Variants in CDX2 observed in about 807,000 individuals in gnomAD.
The protein encoded by CDX2 is homeobox protein CDX-2.
A neutral mutation model predicts 25.5 loss-of-function variants in CDX2; 7 were observed. The ratio of observed to expected loss-of-function variants is 0.27; its 90% CI spans 0.16 to 0.52. The LOEUF is 0.52. Ranked by LOEUF, CDX2 falls within the 20% of genes least tolerant of loss-of-function variation. The pLI is 0.97. For missense variants in CDX2, 375 were observed against 431.4 expected (o/e 0.87, Z 1.16); for synonymous variants, 222 against 198.6 (o/e 1.12, Z -0.99).
Position 27,964,773 on chromosome 13 carries a change from C to A in CDX2, c.687+97G>T. Reference sequence around the variant, plus strand: ...TGCTTGCATCCTCCTGCTTCAGTCTCTCCACAGATTTAGATGGCCCCTGCA... The same window carrying A: ...TGCTTGCATCCTCCTGCTTCAGTCTATCCACAGATTTAGATGGCCCCTGCA... On this transcript the variant is annotated intron_variant, in intron 2 of 2. Coordinates refer to ENST00000381020, the MANE Select transcript of CDX2 (RefSeq NM_001265.6). This position sits in a 1 kb window ranked among gnomAD's most constrained non-coding sequence, Gnocchi z 4.7. 9.5e-7 allele frequency: 1 copy of A among 1,055,218 alleles called. No homozygotes were observed. The highest frequency in any genetic ancestry group is 1.4e-6 in the Non-Finnish European group (1 of 707,288). 65.4% of individuals were successfully genotyped at this position (1,055,218 alleles called of 1,614,324 possible).
rs972280317 is a variant in CDX2 at position 27,968,557 on chromosome 13, G to T, written c.450C>A (p.Thr150=). The T allele has an allele frequency of 1.2e-5, 19 of 1,567,192 alleles. No homozygotes were observed. The highest frequency in any genetic ancestry group is 1.6e-5 in the Non-Finnish European group (19 of 1,166,982). ...CGGGAGACAGCTGCTCGGCGGCAGC[G>T]GTGGCGGCGGGCCCAGGAGGGCCGG... ...LNPGPPGPAA[T]AAAEQLSPGG... Residue 150 remains threonine, a synonymous_variant, in exon 1 of 3, where the codon ACC becomes ACA. Coordinates refer to ENST00000381020, the MANE Select transcript of CDX2 (RefSeq NM_001265.6).
chr13:27,964,731 AGGACT>A lies in CDX2; in HGVS notation c.687+134_687+138del. Reference sequence around the variant, plus strand: ...TTTAAAAAAAAAAAAAAAAAAAAAAAGGACTCCAAAGACGAATGCTTGCATCCTCC... The same window carrying A: ...TTTAAAAAAAAAAAAAAAAAAAAAAACCAAAGACGAATGCTTGCATCCTCC... On this transcript the variant is annotated intron_variant, in intron 2 of 2. Transcript: ENST00000381020. The surrounding 1 kb of genome is among the most constrained non-coding windows in gnomAD (Gnocchi z 4.7). The A allele has an allele frequency of 2.4e-5, 13 of 544,872 alleles. No homozygotes were observed. Among genetic ancestry groups the A allele is most frequent in the Non-Finnish European group, 3.7e-5 (12 of 320,874 alleles). The allele number at this position is 544,872 out of a possible 1,614,324, so 33.8% of individuals were successfully genotyped here. A position where few individuals can be genotyped will look rare whatever the true frequency, so the allele number is the denominator to read the frequency against.
intron 1 of CDX2, among the ~76,000 whole-genome samples, chr13:27,967,798 C>G (rs1007886240): frequency 6.6e-6 from 1 of 152,182 alleles, no homozygotes; most frequent in Non-Finnish European, 1.5e-5. Context: ...CCAGCTTTTG[C>G]TTGAAATGAC....
chr13:27,967,283 C>T (rs754852495), intron 1 of CDX2: 9 of 510,572 alleles, frequency 1.8e-5, no homozygotes, highest in Non-Finnish European at 3.1e-5. Context: ...GCCTTCTCCC[C>T]GGTCGGCGGC....
Position 27,962,103 on chromosome 13 carries a change from T to C in CDX2, c.*1012A>G. 4.3e-6 allele frequency: 1 copy of C among 231,028 alleles called. No homozygotes were observed. Among genetic ancestry groups the C allele is most frequent in the East Asian group, 6.2e-5 (1 of 16,260 alleles). 14.3% of individuals were successfully genotyped at this position (231,028 alleles called of 1,614,324 possible). A position where few individuals can be genotyped will look rare whatever the true frequency, so the allele number is the denominator to read the frequency against. ...CATTTCTTTAAAAAATAAAAAATAGTTGCAGACAAAATCTGAAGATAAATA... is the reference window on the plus strand; with the variant it reads ...CATTTCTTTAAAAAATAAAAAATAGCTGCAGACAAAATCTGAAGATAAATA... On this transcript the variant is annotated 3_prime_UTR_variant, in exon 3 of 3. Transcript: ENST00000381020.
rs773511514 is a variant in CDX2 at position 27,963,140 on chromosome 13, A to AC, written c.916dup (p.Val306GlyfsTer31). 2.6e-5 allele frequency: 42 copies of AC among 1,611,464 alleles called. No individual in the cohort carries two copies. The highest frequency in any genetic ancestry group is 2.2e-5 in the East Asian group (1 of 44,822). The stretch of plus-strand genomic sequence containing the variant: ...TCACTGGGTGACGGTGGGGTTTAGC[A>AC]CCCCCCCAGTTGGCCCCAGAACCCC... On this transcript the variant is annotated frameshift_variant, in exon 3 of 3. Coordinates refer to ENST00000381020, the MANE Select transcript of CDX2 (RefSeq NM_001265.6). LOFTEE classifies it high-confidence loss of function.
rs983309416 is a variant in CDX2 at position 27,964,165 on chromosome 13, C to T, written c.687+705G>A. The stretch of plus-strand genomic sequence containing the variant: ...CTGTAATCTCAGCACTTTGGGAGGC[C>T]GAGGCGGGTGGATCACCTGAGGCCA... On this transcript the variant is annotated intron_variant, in intron 2 of 2. Transcript: ENST00000381020. This position sits in a 1 kb window ranked among gnomAD's most constrained non-coding sequence, Gnocchi z 4.7. 6.6e-5 allele frequency among the ~76,000 whole-genome samples: 10 copies of T among 152,092 alleles called. No homozygotes were observed. The highest frequency in any genetic ancestry group is 1.3e-4 in the Non-Finnish European group (9 of 68,024).
Position 27,961,069 on chromosome 13 carries a change from C to T in CDX2, c.*2046G>A, listed in dbSNP as rs574601056. Among the ~76,000 whole-genome samples the T allele has an allele frequency of 6.6e-6, 1 of 152,256 alleles. No homozygotes were observed. Among genetic ancestry groups the T allele is most frequent in the African/African-American group, 2.4e-5 (1 of 41,564 alleles). On this transcript the variant is annotated 3_prime_UTR_variant, in exon 3 of 3. Transcript: ENST00000381020. ...CCGGCCCTGACCCAGGACCCCTGAC[C>T]CAGGACCCCTCGCCCAGCGGACCCG...
rs1372904751 is a variant in CDX2 at position 27,968,603 on chromosome 13, C to T, written c.404G>A (p.Gly135Glu). The change falls in exon 1 of 3, where the codon GGG (glycine) becomes GAG (glutamate). Residue 135 changes from glycine to glutamate, a missense_variant. Gly to Glu is a moderately conservative substitution (Grantham distance 98). Coordinates refer to ENST00000381020, the MANE Select transcript of CDX2 (RefSeq NM_001265.6). ...HPAAAPSCAS[G>E]LLQTLNPGPP... is the part of the protein sequence containing the mutation. ...GCCGGGGTTGAGCGTTTGCAGCAGC[C>T]CAGAAGCGCAGGAAGGCGCGGCGGC... 6.4e-7 allele frequency: 1 copy of T among 1,566,334 alleles called. No homozygotes were observed. Among genetic ancestry groups the T allele is most frequent in the African/African-American group, 1.4e-5 (1 of 72,320 alleles).
intron 1 of CDX2, among the ~76,000 whole-genome samples, chr13:27,967,566 A>G (rs1299738444): frequency 6.6e-6 from 1 of 152,218 alleles, no homozygotes; most frequent in Non-Finnish European, 1.5e-5. Flanking sequence ...CTCGAACACC[A>G]GAAGGGGCAG....
intron 1 of CDX2, among the ~76,000 whole-genome samples, chr13:27,965,311 C>T (rs1432682825): frequency 6.6e-6 from 1 of 152,180 alleles, no homozygotes; most frequent in African/African-American, 2.4e-5. Context: ...TTTCGGTAAA[C>T]CAAATACAGT....
chr13:27,967,660 C>G (rs1302353135), intron 1 of CDX2, among the ~76,000 whole-genome samples: 1 of 152,166 alleles, frequency 6.6e-6, no homozygotes, highest in Non-Finnish European at 1.5e-5. Flanking sequence ...TCCCTGACAC[C>G]CTTGAAAGGA....
intron 1 of CDX2, chr13:27,967,444 C>G: frequency 4.4e-5 from 21 of 478,574 alleles, no homozygotes; most frequent in South Asian, 3.7e-4. Flanking sequence ...CCAATTGGGG[C>G]ATCAAGGAGC....
At chr13:27,965,040 C>T (rs769882734) in intron 1 of CDX2, 25 bp from the exon 2 acceptor site, 1 of 1,611,702 alleles carries the variant, frequency 6.2e-7, no homozygotes, top group Non-Finnish European at 8.5e-7. Context: ...GAAGTGAGGG[C>T]TGAGAACTGC....
chr13:27,965,737 G>C (rs1281004230), intron 1 of CDX2, among the ~76,000 whole-genome samples: 1 of 152,198 alleles, frequency 6.6e-6, no homozygotes, highest in Non-Finnish European at 1.5e-5. Flanking sequence ...ATGCTCATTG[G>C]ATTGAGTCAA....
Position 27,962,393 on chromosome 13 carries a change from A to T in CDX2, c.*722T>A. On this transcript the variant is annotated 3_prime_UTR_variant, in exon 3 of 3. Coordinates refer to ENST00000381020, the MANE Select transcript of CDX2 (RefSeq NM_001265.6). ...CCAGGTTGGCTCTGGCATTTATAGCACTGACATACATTCAGCCCAGAGAAG... is the reference window on the plus strand; with the variant it reads ...CCAGGTTGGCTCTGGCATTTATAGCTCTGACATACATTCAGCCCAGAGAAG... The T allele has an allele frequency of 4.3e-6, 1 of 232,684 alleles. No individual in the cohort carries two copies. Among genetic ancestry groups the T allele is most frequent in the Non-Finnish European group, 8.5e-6 (1 of 117,466 alleles). 14.4% of individuals were successfully genotyped at this position (232,684 alleles called of 1,614,324 possible). A position where few individuals can be genotyped will look rare whatever the true frequency, so the allele number is the denominator to read the frequency against.
Position 27,968,755 on chromosome 13 carries a change from G to A in CDX2, c.252C>T (p.Gly84=). 1.3e-6 allele frequency: 2 copies of A among 1,501,500 alleles called. No individual in the cohort carries two copies. The highest frequency in any genetic ancestry group is 1.8e-6 in the Non-Finnish European group (2 of 1,132,894). 93.0% of individuals were successfully genotyped at this position (1,501,500 alleles called of 1,614,324 possible). Residue 84 remains glycine (G), a synonymous_variant, in exon 1 of 3, where the codon GGC becomes GGT. Transcript: ENST00000381020. The part of the protein sequence containing the change: ...REDWNGYAPG[G]AAAAANAVAH... ...CCACGGCGTTGGCGGCGGCCGCGGCGCCTCCGGGCGCGTAGCCATTCCAGT... is the reference window on the plus strand; with the variant it reads ...CCACGGCGTTGGCGGCGGCCGCGGCACCTCCGGGCGCGTAGCCATTCCAGT...
chr13:27,963,524 C>A (rs552805715), intron 2 of CDX2, among the ~76,000 whole-genome samples, 155 bp from the exon 3 acceptor site: 79 of 152,316 alleles, frequency 5.2e-4, no homozygotes, highest in African/African-American at 1.8e-3. Context: ...ACAGCCCAAC[C>A]CTGGATCCAT....
At position 27,964,726 on chromosome 13, in the gene CDX2, AAAAAAG is replaced by A. The variant is rs1370981205; in HGVS notation, c.687+138_687+143del. 1.0e-5 allele frequency: 7 copies of A among 686,714 alleles called. No individual in the cohort carries two copies. In the East Asian group the frequency reaches 1.4e-4, roughly 14 times the overall value. The allele number at this position is 686,714 out of a possible 1,614,324, so 42.5% of individuals were successfully genotyped here. A position where few individuals can be genotyped will look rare whatever the true frequency, so the allele number is the denominator to read the frequency against. On this transcript the variant is annotated intron_variant, in intron 2 of 2. Coordinates refer to ENST00000381020, the MANE Select transcript of CDX2 (RefSeq NM_001265.6). The surrounding 1 kb of genome is among the most constrained non-coding windows in gnomAD (Gnocchi z 4.7). ...CTCTGTTTAAAAAAAAAAAAAAAAA[AAAAAAG>A]GACTCCAAAGACGAATGCTTGCATC...
Sources: gnomAD v4.1 joint callset for allele counts (sites outside exome capture counted in the v4.1 genomes callset) on GRCh38, gnomAD v4.1.1 for gene constraint, Gnocchi (gnomAD v3.1) non-coding constraint, MANE v1.5 for transcripts, NCBI Gene and HGNC (gene_info 2026-07-23, HGNC 2026-07-21) for gene names.